ERCC6: variants seen among roughly 807,000 people sequenced by gnomAD.
ERCC6 encodes DNA excision repair protein ERCC-6.
A neutral mutation model predicts 158.7 loss-of-function variants in ERCC6; 116 were observed. The observed-to-expected ratio is 0.73, with a 90% CI of 0.63 to 0.85. The LOEUF is 0.85. Ranked by LOEUF, ERCC6 falls within the 40% of genes least tolerant of loss-of-function variation. ERCC6 has a pLI of 0.00. For synonymous variants in ERCC6, 678 were observed against 659.3 expected, an observed-to-expected ratio of 1.03 and a Z score of -0.43; for missense variants, 1,698 against 1,799.4, an observed-to-expected ratio of 0.94 and a Z score of 1.02.
intron 18 of ERCC6, among the ~76,000 whole-genome samples, chr10:49,465,467 G>T (rs560720190): frequency 5.9e-5 from 9 of 152,312 alleles, no homozygotes; most frequent in African/African-American, 2.2e-4. Flanking sequence ...GACTTTAGGG[G>T]ACTGTTGGGA....
intron 2 of ERCC6, 37 bp from the exon 3 acceptor site, chr10:49,530,877 A>G (rs1241275108): frequency 5.0e-6 from 8 of 1,608,748 alleles, no homozygotes; most frequent in South Asian, 4.4e-5. Flanking sequence ...TTGCACTCTG[A>G]TAACATTTTT....
At chr10:49,526,117 T>TATATATATATATATATATATA (rs1837326508) in intron 4 of ERCC6, among the ~76,000 whole-genome samples, 2 of 43,586 alleles carry the variant, frequency 4.6e-5, no homozygotes, top group African/African-American at 8.6e-5. Flanking sequence ...TTATATATTT[T>TATATATATATATATATATATA]TATATATATA....
chr10:49,470,119 T>C, intron 18 of ERCC6, 63 bp downstream of exon 18: 1 of 1,461,194 alleles, frequency 6.8e-7, no homozygotes, highest in South Asian at 1.1e-5. Flanking sequence ...CTGCTACTGC[T>C]AGAAACAGCC....
intron 5 of ERCC6, among the ~76,000 whole-genome samples, chr10:49,517,618 GTCT>G (rs1184520292): frequency 6.6e-6 from 1 of 151,946 alleles, no homozygotes; most frequent in Non-Finnish European, 1.5e-5. Flanking sequence ...AATGAACACA[GTCT>G]TCTTTCTTTT....
intron 7 of ERCC6, among the ~76,000 whole-genome samples, chr10:49,497,507 A>T (rs1040252581): frequency 1.3e-5 from 2 of 152,238 alleles, no homozygotes; most frequent in African/African-American, 2.4e-5. Context: ...CTTCTGGCTG[A>T]ACATCTATCT....
chr10:49,517,197 AT>A, intron 5 of ERCC6: 1 of 1,503,172 alleles, frequency 6.7e-7, no homozygotes, highest in Non-Finnish European at 8.9e-7. Context: ...AACATGAAAA[AT>A]GTCAAACCCA....
intron 18 of ERCC6, among the ~76,000 whole-genome samples, chr10:49,464,906 T>A (rs185639953): frequency 1.3e-5 from 2 of 152,294 alleles, no homozygotes; most frequent in African/African-American, 4.8e-5. Flanking sequence ...TCATGGAGAA[T>A]CTCTCCTAGG....
chr10:49,460,168 G>C (rs1231078326), intron 20 of ERCC6: 1 of 619,120 alleles, frequency 1.6e-6, no homozygotes, highest in Non-Finnish European at 2.9e-6. Context: ...TACGGATCTT[G>C]GGTTAAAGAC....
At chr10:49,451,747 T>C (rs1174621716), downstream of ERCC6, among the ~76,000 whole-genome samples, 2 of 152,180 alleles carry the variant, frequency 1.3e-5, no homozygotes, top group African/African-American at 4.8e-5. Flanking sequence ...TTGAGCAGTT[T>C]TGTTATCAGG....
At chr10:49,491,519 G>A (rs544120727) in intron 8 of ERCC6, among the ~76,000 whole-genome samples, 1 of 152,314 alleles carries the variant, frequency 6.6e-6, no homozygotes, top group South Asian at 2.1e-4. Flanking sequence ...AACAACCTCA[G>A]AAGGTAAAGC....
At chr10:49,448,054 C>G in the ERCC6 span, among the ~76,000 whole-genome samples, 1 of 152,144 alleles carries the variant, frequency 6.6e-6, no homozygotes, top group Non-Finnish European at 1.5e-5. Flanking sequence ...GAATATTCCA[C>G]AAAGTATAAT....
chr10:49,513,336 T>C (rs1375234790), intron 5 of ERCC6, among the ~76,000 whole-genome samples: 1 of 152,176 alleles, frequency 6.6e-6, no homozygotes, highest in East Asian at 1.9e-4. Flanking sequence ...TATACACACA[T>C]ACATACATAT....
chr10:49,458,547 T>A lies in ERCC6; in HGVS notation c.*268A>T. ...GAACAAATGTGCTCCAAGGAGTAAC[T>A]GTTAGGTACCTGATTTACAATATAA... On this transcript the variant is annotated 3_prime_UTR_variant, in exon 21 of 21. Transcript: ENST00000355832. 2.3e-6 allele frequency: 1 copy of A among 436,134 alleles called. No homozygotes were observed. The highest frequency in any genetic ancestry group is 4.2e-6 in the Non-Finnish European group (1 of 239,298). 27.0% of individuals were successfully genotyped at this position (436,134 alleles called of 1,614,324 possible). A position where few individuals can be genotyped will look rare whatever the true frequency, so the allele number is the denominator to read the frequency against.
intron 6 of ERCC6, chr10:49,503,443 G>T (rs557552971): frequency 6.6e-6 from 1 of 152,248 alleles, no homozygotes; most frequent in South Asian, 2.1e-4. Context: ...TCTCTAGCAG[G>T]ATCCCCAAAA....
the ERCC6 span, among the ~76,000 whole-genome samples, chr10:49,447,701 C>CA: frequency 4.0e-3 from 579 of 144,588 alleles, 5 homozygotes; most frequent in African/African-American, 0.014. Flanking sequence ...AAGACTGTCT[C>CA]AAAAAAAAAA....
At chr10:49,534,247 AAGG>A (rs1313867964) in intron 1 of ERCC6, among the ~76,000 whole-genome samples, 1 of 152,138 alleles carries the variant, frequency 6.6e-6, no homozygotes, top group African/African-American at 2.4e-5. Flanking sequence ...CAATACAGAC[AAGG>A]AGAAGGATCC....
At chr10:49,481,120 T>G (rs1268875558) in intron 10 of ERCC6, among the ~76,000 whole-genome samples, 1 of 152,200 alleles carries the variant, frequency 6.6e-6, no homozygotes, top group Non-Finnish European at 1.5e-5. Flanking sequence ...CAACCTGCCC[T>G]CAGGTGGTTA....
chr10:49,515,527 G>T, intron 5 of ERCC6: 1 of 1,614,122 alleles, frequency 6.2e-7, no homozygotes, highest in Non-Finnish European at 8.5e-7. Flanking sequence ...GGTTCTGGAG[G>T]ATGACCATGG....
chr10:49,519,155 G>C (rs1044532237), intron 5 of ERCC6, among the ~76,000 whole-genome samples: 3 of 152,096 alleles, frequency 2.0e-5, no homozygotes, highest in Admixed American at 1.3e-4. Context: ...TGGAGGTGGG[G>C]GCAGCTATGT....
Sources: gnomAD v4.1 joint callset for allele counts (sites outside exome capture counted in the v4.1 genomes callset) on GRCh38, gnomAD v4.1.1 for gene constraint, MANE v1.5 for transcripts, NCBI Gene and HGNC (gene_info 2026-07-23, HGNC 2026-07-21) for gene names.